The following CELF1 variants were observed in gnomAD, a reference collection of about 807,000 sequenced individuals.
CELF1 encodes CUGBP Elav-like family member 1, also known as 50 kDa nuclear polyadenylated RNA-binding protein.
Under a neutral mutation model 61.8 loss-of-function variants are expected in CELF1, and 10 were observed. The ratio of observed to expected loss-of-function variants is 0.16; its 90% CI spans 0.10 to 0.27. CELF1 has a LOEUF of 0.27. Among genes scored for constraint, CELF1 ranks in the 10% least tolerant of loss-of-function variants. The probability of loss-of-function intolerance (pLI) is 1.00; values close to 1 mark genes in which losing one functional copy is unlikely to be tolerated. For missense variants in CELF1, 380 were observed against 639.1 expected (o/e 0.59, Z 4.37); for synonymous variants, 236 against 225.1 (o/e 1.05, Z -0.43).
At chr11:47,538,349 A>C (rs919488792) in intron 1 of CELF1, among the ~76,000 whole-genome samples, 4 of 152,208 alleles carry the variant, frequency 2.6e-5, no homozygotes, top group Admixed American at 6.5e-5. Context: ...GGTTGTATAT[A>C]AATCTCCATT....
chr11:47,502,937 C>T (rs1046053009), intron 1 of CELF1, among the ~76,000 whole-genome samples: 5 of 152,158 alleles, frequency 3.3e-5, no homozygotes, highest in African/African-American at 9.7e-5. Context: ...AAAAGAAGGC[C>T]TTAACTTTCC....
intron 1 of CELF1, among the ~76,000 whole-genome samples, chr11:47,538,613 A>G (rs2153713406): frequency 6.8e-6 from 1 of 146,386 alleles, no homozygotes; most frequent in Admixed American, 7.2e-5. Context: ...ACTGCACTCC[A>G]GCCTGGGCAA....
intron 3 of CELF1, among the ~76,000 whole-genome samples, chr11:47,496,516 A>G (rs1287833913): frequency 6.6e-6 from 1 of 152,242 alleles, no homozygotes; most frequent in Admixed American, 6.5e-5. Flanking sequence ...ATAATCCTCT[A>G]CAAATCCTAT....
At chr11:47,560,921 G>A (rs934224921) in intron 2 of CELF1, among the ~76,000 whole-genome samples, 1 of 152,154 alleles carries the variant, frequency 6.6e-6, no homozygotes, top group Non-Finnish European at 1.5e-5. Context: ...GACAGATCAC[G>A]AGGTCAGGAG....
At chr11:47,534,005 T>C (rs2096562044) in intron 1 of CELF1, among the ~76,000 whole-genome samples, 1 of 149,512 alleles carries the variant, frequency 6.7e-6, no homozygotes, top group Non-Finnish European at 1.5e-5. Flanking sequence ...TAAGTTATAT[T>C]TAGCATTTTT....
intron 10 of CELF1, 87 bp from the exon 11 acceptor site, chr11:47,477,512 C>T (rs2153403235): frequency 1.4e-6 from 2 of 1,420,656 alleles, no homozygotes; most frequent in East Asian, 2.3e-5. Flanking sequence ...TGGCAGAGGG[C>T]TGGTCCCTGA....
chr11:47,561,161 T>C (rs1157047034), intron 2 of CELF1, among the ~76,000 whole-genome samples: 2 of 130,540 alleles, frequency 1.5e-5, no homozygotes, highest in Non-Finnish European at 1.6e-5. Flanking sequence ...AAAAGTGTAT[T>C]TCGCTGGGTG....
At chr11:47,548,736 C>T (rs2097052857) in intron 1 of CELF1, among the ~76,000 whole-genome samples, 1 of 151,716 alleles carries the variant, frequency 6.6e-6, no homozygotes, top group African/African-American at 2.4e-5. Context: ...CGTGGTAGCG[C>T]ATGACTGTAG....
At chr11:47,546,271 G>A (rs1294446240) in intron 1 of CELF1, among the ~76,000 whole-genome samples, 8 of 143,760 alleles carry the variant, frequency 5.6e-5, no homozygotes, top group East Asian at 2.1e-4. Flanking sequence ...GGCCGGGGGC[G>A]GGGGCGGGGG....
At chr11:47,499,337 G>C (rs1459153353) in intron 3 of CELF1, 116 bp downstream of exon 3, 1 of 737,372 alleles carries the variant, frequency 1.4e-6, no homozygotes, top group African/African-American at 1.8e-5. Flanking sequence ...GGTTGTTTTG[G>C]CTTCTTTCCC....
chr11:47,486,565 A>ATACCCAG (rs1413616385), intron 6 of CELF1, among the ~76,000 whole-genome samples, 185 bp downstream of exon 6: 5 of 152,040 alleles, frequency 3.3e-5, no homozygotes, highest in African/African-American at 1.2e-4. Flanking sequence ...ATGCACAACC[A>ATACCCAG]TACCCAGCTA....
At chr11:47,534,127 C>G (rs11602333) in intron 1 of CELF1, among the ~76,000 whole-genome samples, 5,402 of 135,160 alleles carry the variant, frequency 0.04, 100 homozygotes, top group Middle Eastern at 0.086. Context: ...CTCCTTAGTT[C>G]AAACTACTCT....
Position 47,478,860 on chromosome 11 carries a change from A to T in CELF1, c.844+17T>A. On this transcript the variant is annotated intron_variant, in intron 10 of 14. Transcript: ENST00000687097. ...GGCCTGGGTGCTGCTGCTCCTCTGC[A>T]GCAGTGAAACACTTACCTCCCATTG... is the stretch of plus-strand genomic sequence containing the variant. The T allele has an allele frequency of 6.2e-7, 1 of 1,604,788 alleles. No homozygotes were observed. The highest frequency in any genetic ancestry group is 1.3e-5 in the African/African-American group (1 of 74,856).
chr11:47,510,256 C>A (rs1241303250), intron 1 of CELF1, among the ~76,000 whole-genome samples: 1 of 152,128 alleles, frequency 6.6e-6, no homozygotes, highest in Admixed American at 6.5e-5. Context: ...TTAGAATAGG[C>A]AAGGTAATAA....
At chr11:47,496,419 C>T (rs1036518829) in intron 3 of CELF1, among the ~76,000 whole-genome samples, 4 of 152,148 alleles carry the variant, frequency 2.6e-5, no homozygotes, top group South Asian at 2.1e-4. Flanking sequence ...TGCTATGGTG[C>T]CAGATACTAC....
intron 12 of CELF1, 89 bp downstream of exon 12, chr11:47,476,757 T>A: frequency 9.7e-7 from 1 of 1,029,476 alleles, no homozygotes; most frequent in Non-Finnish European, 1.5e-6. Flanking sequence ...ACTGGGCCAC[T>A]GCAATCATTC....
intron 1 of CELF1, among the ~76,000 whole-genome samples, chr11:47,524,188 G>A (rs2096111383): frequency 6.6e-6 from 1 of 152,078 alleles, no homozygotes; most frequent in Non-Finnish European, 1.5e-5. Context: ...TCTTAAAGGG[G>A]TGGAGGTGCC....
At chr11:47,498,885 G>C (rs944777215) in intron 3 of CELF1, among the ~76,000 whole-genome samples, 11 of 151,680 alleles carry the variant, frequency 7.3e-5, no homozygotes, top group Non-Finnish European at 1.3e-4. Context: ...AGGACAATTT[G>C]ATGTTCCTAA....
At chr11:47,492,714 A>T (rs985791464) in intron 3 of CELF1, among the ~76,000 whole-genome samples, 1 of 146,984 alleles carries the variant, frequency 6.8e-6, no homozygotes, top group African/African-American at 2.7e-5. Context: ...CCTGGGTGGC[A>T]GAGTGAGATC....
Sources: gnomAD v4.1 joint callset for allele counts (sites outside exome capture counted in the v4.1 genomes callset) on GRCh38, gnomAD v4.1.1 for gene constraint, MANE v1.5 for transcripts, NCBI Gene and HGNC (gene_info 2026-07-23, HGNC 2026-07-21) for gene names.